Variants in DOCK9 observed in about 807,000 individuals in gnomAD.
The protein encoded by DOCK9 is dedicator of cytokinesis 9.
In DOCK9, 89 loss-of-function variants were observed where a neutral mutation model predicts 263.3. That is an observed-to-expected ratio of 0.34 (90% CI 0.28 to 0.40). DOCK9 has a LOEUF of 0.40. Among genes scored for constraint, DOCK9 ranks in the 10% least tolerant of loss-of-function variants. The pLI is 1.00. For missense variants in DOCK9, 2,140 were observed against 2,603.4 expected (o/e 0.82, Z 3.87); for synonymous variants, 976 against 973.1 (o/e 1.00, Z -0.06).
At chr13:98,894,395 T>C (rs530494053) in intron 15 of DOCK9, among the ~76,000 whole-genome samples, 1 of 152,312 alleles carries the variant, frequency 6.6e-6, no homozygotes, top group Non-Finnish European at 1.5e-5. Flanking sequence ...ATATCCTAAA[T>C]AGCTATTTTT....
intron 1 of DOCK9, among the ~76,000 whole-genome samples, chr13:99,030,680 T>G (rs946047498): frequency 1.3e-5 from 2 of 152,230 alleles, no homozygotes; most frequent in African/African-American, 4.8e-5. Flanking sequence ...GACAGACTAA[T>G]GATGCCTCAT....
chr13:98,915,654 C>T (rs1191203529), intron 7 of DOCK9, among the ~76,000 whole-genome samples, 151 bp from the exon 8 acceptor site: 2 of 150,504 alleles, frequency 1.3e-5, no homozygotes, highest in Non-Finnish European at 3.0e-5. Flanking sequence ...AAGCCCCCCC[C>T]CATGAAATCC....
intron 8 of DOCK9, 74 bp from the exon 9 acceptor site, chr13:98,914,469 C>A: frequency 7.3e-7 from 1 of 1,368,964 alleles, no homozygotes; most frequent in Non-Finnish European, 1.0e-6. Flanking sequence ...GGAGGAAGGC[C>A]GTTTCTCTTA....
In DOCK9 at chr13:98,884,453, T is replaced by G. The variant is rs191810236; in HGVS notation, c.2382+518A>C. 3.9e-3 allele frequency among the ~76,000 whole-genome samples: 597 copies of G among 152,350 alleles called. 2 individuals are homozygous for G. Among genetic ancestry groups the G allele is most frequent in the Middle Eastern group, 0.01 (3 of 294 alleles). ...CAAACATAAAAAGAACAGGCTTTATTTAAGCATGTTATAAAGCCGCAGTCT... is the reference window on the plus strand; with the variant it reads ...CAAACATAAAAAGAACAGGCTTTATGTAAGCATGTTATAAAGCCGCAGTCT... On this transcript the variant is annotated intron_variant, in intron 21 of 52. Coordinates refer to ENST00000682017, the MANE Select transcript of DOCK9 (RefSeq NM_001366683.2).
intron 2 of DOCK9, among the ~76,000 whole-genome samples, chr13:98,954,192 T>C (rs1293034377): frequency 1.3e-5 from 2 of 152,162 alleles, no homozygotes; most frequent in African/African-American, 4.8e-5. Flanking sequence ...ATTTATCTTT[T>C]TGTACATGGA....
At chr13:98,966,480 A>G (rs974508097) in intron 1 of DOCK9, among the ~76,000 whole-genome samples, 1 of 152,250 alleles carries the variant, frequency 6.6e-6, no homozygotes, top group Non-Finnish European at 1.5e-5. Context: ...AAATAATTCT[A>G]TCTCAAATCT....
intron 2 of DOCK9, among the ~76,000 whole-genome samples, chr13:98,941,828 T>C (rs977554500): frequency 6.6e-6 from 1 of 152,160 alleles, no homozygotes; most frequent in Non-Finnish European, 1.5e-5. Context: ...GAGGCTGTAA[T>C]AAGCTCCCTA....
chr13:99,002,830 G>A (rs780725765), intron 1 of DOCK9, among the ~76,000 whole-genome samples: 10 of 151,998 alleles, frequency 6.6e-5, no homozygotes, highest in East Asian at 1.9e-4. Context: ...ATCCTGGCCC[G>A]TCCTACTCAC....
upstream of DOCK9, among the ~76,000 whole-genome samples, chr13:99,087,665 A>T (rs1221205225): frequency 6.6e-6 from 1 of 152,056 alleles, no homozygotes; most frequent in Non-Finnish European, 1.5e-5. Context: ...TAACCCTCAC[A>T]GGGCCGCGGA....
intron 1 of DOCK9, among the ~76,000 whole-genome samples, chr13:99,056,764 A>G (rs544236133): frequency 6.6e-6 from 1 of 152,310 alleles, no homozygotes; most frequent in Non-Finnish European, 1.5e-5. Context: ...AGTGGCAATC[A>G]GGGTCATTCA....
chr13:98,930,408 C>T (rs1197928562), intron 2 of DOCK9, among the ~76,000 whole-genome samples, 151 bp from the exon 3 acceptor site: 1 of 152,228 alleles, frequency 6.6e-6, no homozygotes, highest in African/African-American at 2.4e-5. Context: ...TTCCGTCACA[C>T]ACAACAGATT....
At chr13:98,952,730 C>T (rs910314418) in intron 2 of DOCK9, among the ~76,000 whole-genome samples, 2 of 152,194 alleles carry the variant, frequency 1.3e-5, no homozygotes, top group Non-Finnish European at 2.9e-5. Context: ...CATGTGCCTA[C>T]TTGAAAAATG....
chr13:98,822,509 G>A (rs9557082), intron 45 of DOCK9, among the ~76,000 whole-genome samples: 28,084 of 152,102 alleles, frequency 0.18, 3,531 homozygotes, highest in East Asian at 0.43. Flanking sequence ...GGTCTGACTC[G>A]GCAGAGGTGC....
intron 1 of DOCK9, among the ~76,000 whole-genome samples, chr13:98,970,581 C>T (rs1399254660): frequency 5.9e-5 from 9 of 152,122 alleles, no homozygotes; most frequent in Non-Finnish European, 1.2e-4. Context: ...AAGCAGAATA[C>T]GAGACTGGCT....
chr13:99,065,878 A>G (rs2041392338), intron 1 of DOCK9, among the ~76,000 whole-genome samples: 1 of 152,192 alleles, frequency 6.6e-6, no homozygotes, highest in Non-Finnish European at 1.5e-5. Flanking sequence ...GGCACTCAAC[A>G]AATGTGTTTG....
intron 1 of DOCK9, among the ~76,000 whole-genome samples, chr13:99,034,499 T>C (rs1311306187): frequency 1.3e-5 from 2 of 152,218 alleles, no homozygotes; most frequent in East Asian, 3.8e-4. Flanking sequence ...TTCTGACTGT[T>C]GTAACCTTGA....
At chr13:98,925,782 C>A (rs1461677588) in intron 4 of DOCK9, 55 bp downstream of exon 4, 9 of 1,267,804 alleles carry the variant, frequency 7.1e-6, no homozygotes, top group Admixed American at 2.6e-5. Context: ...ATACCTCCCC[C>A]CAAGCATTTC....
At chr13:99,072,073 G>A (rs919936673) in intron 1 of DOCK9, among the ~76,000 whole-genome samples, 4 of 152,082 alleles carry the variant, frequency 2.6e-5, no homozygotes, top group South Asian at 2.1e-4. Context: ...TCTCTTTCAC[G>A]GTTTCCTTGA....
chr13:98,970,299 G>T (rs2059608591), intron 1 of DOCK9, among the ~76,000 whole-genome samples: 1 of 152,136 alleles, frequency 6.6e-6, no homozygotes, highest in Non-Finnish European at 1.5e-5. Flanking sequence ...CGCCCCACCC[G>T]TCTCTGTTTT....
Sources: allele counts gnomAD v4.1 joint callset (sites outside exome capture counted in the v4.1 genomes callset), GRCh38; gene constraint gnomAD v4.1.1; transcripts MANE v1.5; gene names NCBI Gene and HGNC (gene_info 2026-07-23, HGNC 2026-07-21).